The following ZFHX3 variants were observed in gnomAD, a reference collection of about 807,000 sequenced individuals.
ZFHX3 encodes zinc finger homeobox protein 3.
A neutral mutation model predicts 279.1 loss-of-function variants in ZFHX3; 42 were observed. The ratio of observed to expected loss-of-function variants is 0.15; its 90% CI spans 0.12 to 0.19. The LOEUF (loss-of-function observed/expected upper bound fraction) is 0.19, where lower values mean the gene tolerates loss of function less well. Among genes scored for constraint, ZFHX3 ranks in the 10% least tolerant of loss-of-function variants. The probability of loss-of-function intolerance (pLI) is 1.00; values close to 1 mark genes in which losing one functional copy is unlikely to be tolerated. For missense variants in ZFHX3, 4,981 were observed against 4,754.0 expected (o/e 1.05, Z -1.40); for synonymous variants, 2,293 against 1,957.8 (o/e 1.17, Z -4.52).
chr16:73,777,987 G>A (rs1053156134), intron 1 of ZFHX3, among the ~76,000 whole-genome samples: 4 of 152,034 alleles, frequency 2.6e-5, no homozygotes, highest in Non-Finnish European at 5.9e-5. Flanking sequence ...CCATGTTCAT[G>A]CCCTTGCATT....
At chr16:73,094,876 A>T (rs2144782056) in intron 7 of ZFHX3, among the ~76,000 whole-genome samples, 1 of 152,090 alleles carries the variant, frequency 6.6e-6, no homozygotes, top group South Asian at 2.1e-4. Context: ...TGTCCGGCTA[A>T]TTTTTGTATT....
rs772672965 is a variant in ZFHX3 at position 72,788,095 on chromosome 16, T to A, written c.10181A>T (p.Gln3394Leu). ...TGGGGTTTGGCTTGCTTTGGGCTGC[T>A]GCTGCTGCACTTTTTGCTGCTGCTG... ...QQQQQQKVQQ[Q>L]QPKASQTPVP... is the part of the protein sequence containing the mutation. The change falls in exon 10 of 10, where the codon CAG becomes CTG. Residue 3394 changes from glutamine to leucine, a missense_variant. Transcript: ENST00000268489. The A allele has an allele frequency of 6.2e-7, 1 of 1,608,636 alleles. No homozygotes were observed. Among genetic ancestry groups the A allele is most frequent in the Non-Finnish European group, 8.5e-7 (1 of 1,176,886 alleles).
chr16:73,248,434 C>A (rs1459209606), intron 5 of ZFHX3, among the ~76,000 whole-genome samples: 2 of 149,740 alleles, frequency 1.3e-5, no homozygotes, highest in Non-Finnish European at 3.0e-5. Context: ...GTCTTTGTGT[C>A]TATGTGCCTG....
At chr16:73,276,337 C>T (rs777246317) in intron 4 of ZFHX3, among the ~76,000 whole-genome samples, 1 of 151,984 alleles carries the variant, frequency 6.6e-6, no homozygotes, top group Non-Finnish European at 1.5e-5. Flanking sequence ...GTGCACATCA[C>T]CAGACTGGCT....
In ZFHX3 at chr16:72,996,135, C is replaced by T. The variant is rs8056447; in HGVS notation, c.-49-35941G>A. Among the ~76,000 whole-genome samples, 1,331 of 148,482 alleles carry T rather than the reference C, an allele frequency of 9.0e-3. 20 individuals are homozygous for T. The highest frequency in any genetic ancestry group is 0.03 in the African/African-American group (1,212 of 39,968). ...ACACACACACACACACACACACACA[C>T]GAGCCGGGCATGGTGGCGGGCACCT... On this transcript the variant is annotated intron_variant, in intron 1 of 9. Coordinates refer to ENST00000268489, the MANE Select transcript of ZFHX3 (RefSeq NM_006885.4).
intron 1 of ZFHX3, among the ~76,000 whole-genome samples, chr16:73,002,494 T>A (rs2144599482): frequency 6.6e-6 from 1 of 152,254 alleles, no homozygotes; most frequent in South Asian, 2.1e-4. Context: ...TGAGGTGTGA[T>A]CTAAGTTTGC....
At chr16:73,270,810 A>C (rs918522048) in intron 4 of ZFHX3, among the ~76,000 whole-genome samples, 1 of 152,160 alleles carries the variant, frequency 6.6e-6, no homozygotes, top group Non-Finnish European at 1.5e-5. Flanking sequence ...CCTCAATTGC[A>C]TGGTACCCAC....
At chr16:73,889,255 C>A (rs1467868432) in intron 1 of ZFHX3, among the ~76,000 whole-genome samples, 1 of 152,176 alleles carries the variant, frequency 6.6e-6, no homozygotes, top group East Asian at 1.9e-4. Flanking sequence ...AAGGAAGCTG[C>A]GCCAGACCCG....
At chr16:72,939,316 G>T (rs1408160599) in intron 3 of ZFHX3, among the ~76,000 whole-genome samples, 2 of 152,116 alleles carry the variant, frequency 1.3e-5, no homozygotes, top group African/African-American at 4.8e-5. Context: ...ACCTTCCTGG[G>T]CCTGCGACAA....
chr16:73,555,891 T>C (rs994313698), intron 2 of ZFHX3, among the ~76,000 whole-genome samples: 1 of 151,292 alleles, frequency 6.6e-6, no homozygotes, highest in Non-Finnish European at 1.5e-5. Flanking sequence ...CCATGCTTCA[T>C]ATGGGAGGGG....
intron 1 of ZFHX3, among the ~76,000 whole-genome samples, chr16:73,034,412 G>T (rs1555543862): frequency 6.6e-6 from 1 of 152,142 alleles, no homozygotes; most frequent in Non-Finnish European, 1.5e-5. Context: ...GCCTCTAAGA[G>T]AAAGTCCCCT....
At chr16:73,008,781 TTGAG>T (rs1441744625) in intron 1 of ZFHX3, among the ~76,000 whole-genome samples, 7 of 152,170 alleles carry the variant, frequency 4.6e-5, no homozygotes, top group African/African-American at 7.2e-5. Flanking sequence ...ATGGCTTCAA[TTGAG>T]TAAGACTTGG....
At chr16:73,781,961 A>T (rs1012539416) in intron 1 of ZFHX3, among the ~76,000 whole-genome samples, 4 of 152,122 alleles carry the variant, frequency 2.6e-5, no homozygotes, top group African/African-American at 4.8e-5. Context: ...CACTCCAGCC[A>T]GGGCGAAAGA....
rs58876449 is a variant in ZFHX3, at chr16:73,003,126, C to T, written c.-49-42932G>A. ...AAGCATCTACCATATGGCTGCACCA[C>T]AGTTTAAATCAATCCCCTGTAAGAT... On this transcript the variant is annotated intron_variant, in intron 1 of 9. Coordinates refer to ENST00000268489, the MANE Select transcript of ZFHX3 (RefSeq NM_006885.4). 0.01 allele frequency among the ~76,000 whole-genome samples: 1,552 copies of T among 152,264 alleles called. 199 individuals carry two copies. In the East Asian group the frequency reaches 0.27, roughly 27 times the overall value.
At chr16:73,507,397 C>G (rs1169489565) in intron 2 of ZFHX3, among the ~76,000 whole-genome samples, 3 of 151,578 alleles carry the variant, frequency 2.0e-5, no homozygotes, top group African/African-American at 7.3e-5. Flanking sequence ...CCATTTAAAC[C>G]AGGTACTTTG....
intron 5 of ZFHX3, among the ~76,000 whole-genome samples, chr16:73,212,451 T>C (rs1392228481): frequency 1.3e-5 from 2 of 152,242 alleles, no homozygotes; most frequent in Non-Finnish European, 2.9e-5. Flanking sequence ...CTATCATACA[T>C]CCAGTTTATC....
chr16:72,999,420 GT>G (rs1265680274), intron 1 of ZFHX3, among the ~76,000 whole-genome samples: 1 of 152,166 alleles, frequency 6.6e-6, no homozygotes, highest in Non-Finnish European at 1.5e-5. Context: ...GCCTCCCAAA[GT>G]GCTGGGATTA....
intron 5 of ZFHX3, among the ~76,000 whole-genome samples, chr16:73,158,476 C>T (rs574319004): frequency 1.3e-5 from 2 of 151,862 alleles, no homozygotes; most frequent in Non-Finnish European, 2.9e-5. Context: ...TCTCTTCTTT[C>T]TTTTAAAAAC....
intron 3 of ZFHX3, among the ~76,000 whole-genome samples, chr16:72,924,086 T>C (rs1276251983): frequency 1.3e-5 from 2 of 152,362 alleles, no homozygotes; most frequent in Middle Eastern, 3.4e-3. Context: ...TTCTTTCTTC[T>C]TGTTATTTAT....
Sources: gnomAD v4.1 joint callset for allele counts (sites outside exome capture counted in the v4.1 genomes callset) on GRCh38, gnomAD v4.1.1 for gene constraint, MANE v1.5 for transcripts, NCBI Gene and HGNC (gene_info 2026-07-23, HGNC 2026-07-21) for gene names.